MBOAT1: variants seen among roughly 807,000 people sequenced by gnomAD.
The protein encoded by MBOAT1 is membrane bound glycerophospholipid O-acyltransferase 1.
In MBOAT1, 67 loss-of-function variants were observed where a neutral mutation model predicts 64.4. The ratio of observed to expected loss-of-function variants is 1.04; its 90% CI spans 0.85 to 1.27. The LOEUF (loss-of-function observed/expected upper bound fraction) is 1.27, where lower values mean the gene tolerates loss of function less well. MBOAT1 is among the 50% of genes most tolerant of loss of function. MBOAT1 has a pLI of 0.00. For missense variants in MBOAT1, 563 were observed against 604.6 expected (o/e 0.93, Z 0.72); for synonymous variants, 229 against 218.9 (o/e 1.05, Z -0.41).
At chr6:20,196,465 C>A (rs6926099) in intron 1 of MBOAT1, among the ~76,000 whole-genome samples, 65 of 152,190 alleles carry the variant, frequency 4.3e-4, no homozygotes, top group African/African-American at 1.4e-3. Flanking sequence ...GAGGCAGAAT[C>A]TGGGAGGAAA....
Position 20,212,304 on chromosome 6 carries a change from G to T in MBOAT1, c.-70C>A. On this transcript the variant is annotated 5_prime_UTR_variant, in exon 1 of 13. Transcript: ENST00000324607. ...CCCCCTGCTCGGCGTCCTCCCGCCCGGGTGCTCTTGGGTGGTTGCCCCGAG... is the reference window on the plus strand; with the variant it reads ...CCCCCTGCTCGGCGTCCTCCCGCCCTGGTGCTCTTGGGTGGTTGCCCCGAG... The T allele has an allele frequency of 1.4e-6, 2 of 1,419,884 alleles. No individual in the cohort carries two copies. The highest frequency in any genetic ancestry group is 1.9e-6 in the Non-Finnish European group (2 of 1,035,100). 88.0% of individuals were successfully genotyped at this position (1,419,884 alleles called of 1,614,324 possible).
intron 1 of MBOAT1, among the ~76,000 whole-genome samples, chr6:20,157,120 C>CA: frequency 6.6e-6 from 1 of 151,490 alleles, no homozygotes; most frequent in Non-Finnish European, 1.5e-5. Context: ...CCCATCCACC[C>CA]AAAAAAATAA....
chr6:20,124,923 A>C (rs1760608302), intron 7 of MBOAT1, among the ~76,000 whole-genome samples: 1 of 152,212 alleles, frequency 6.6e-6, no homozygotes, highest in African/African-American at 2.4e-5. Context: ...CAGGGTGGCA[A>C]GTTTCCATCA....
intron 8 of MBOAT1, 64 bp from the exon 9 acceptor site, chr6:20,118,604 C>A: frequency 7.8e-7 from 1 of 1,286,320 alleles, no homozygotes; most frequent in Non-Finnish European, 1.1e-6. Context: ...TTTTAAAAGA[C>A]ACTAAATATC....
chr6:20,111,804 T>TCATATATATACATATATATACA (rs1760146057), intron 11 of MBOAT1, among the ~76,000 whole-genome samples: 3 of 51,002 alleles, frequency 5.9e-5, no homozygotes, highest in African/African-American at 2.0e-4. Flanking sequence ...TCCACTTTGT[T>TCATATATATACATATATATACA]CATATATATA....
At chr6:20,118,648 T>C in intron 8 of MBOAT1, 108 bp from the exon 9 acceptor site, 1 of 840,926 alleles carries the variant, frequency 1.2e-6, no homozygotes, top group South Asian at 1.7e-5. Flanking sequence ...TATGCAGTAG[T>C]GTCTTTGGAA....
In MBOAT1 at chr6:20,133,002, T is replaced by G. The variant is rs564794562; in HGVS notation, c.420-1803A>C. On this transcript the variant is annotated intron_variant, in intron 4 of 12. Transcript: ENST00000324607. ...CCTCTTGAAAATAATGAGGATACATTTTCAACTATAAATATATGTAAATAA... is the reference window on the plus strand; with the variant it reads ...CCTCTTGAAAATAATGAGGATACATGTTCAACTATAAATATATGTAAATAA... Among the ~76,000 whole-genome samples, 3 of 152,324 alleles carry G rather than the reference T, an allele frequency of 2.0e-5. No individual in the cohort carries two copies. The South Asian group carries it at 6.2e-4, about 32-fold the overall frequency.
intron 1 of MBOAT1, among the ~76,000 whole-genome samples, chr6:20,198,072 A>G (rs1218670726): frequency 6.6e-6 from 1 of 151,472 alleles, no homozygotes; most frequent in Non-Finnish European, 1.5e-5. Flanking sequence ...CTAAAAATAC[A>G]AAAAAATTAG....
intron 1 of MBOAT1, among the ~76,000 whole-genome samples, chr6:20,153,015 T>C (rs190022710): frequency 0.01 from 1,533 of 152,172 alleles, 36 homozygotes; most frequent in African/African-American, 0.034. Context: ...TTTGTATTTT[T>C]AGTAGAGACA....
At chr6:20,116,303 G>A (rs1224871414) in intron 9 of MBOAT1, among the ~76,000 whole-genome samples, 1 of 151,968 alleles carries the variant, frequency 6.6e-6, no homozygotes, top group Non-Finnish European at 1.5e-5. Context: ...CTGCACTCCA[G>A]CCTGGGCAAC....
At chr6:20,113,058 C>T in intron 10 of MBOAT1, 50 bp from the exon 11 acceptor site, 1 of 1,586,246 alleles carries the variant, frequency 6.3e-7, no homozygotes, top group African/African-American at 1.4e-5. Context: ...CCAGAAACTT[C>T]TAAGTACAGC....
At chr6:20,159,397 G>A (rs934393597) in intron 1 of MBOAT1, among the ~76,000 whole-genome samples, 2 of 152,132 alleles carry the variant, frequency 1.3e-5, no homozygotes, top group Non-Finnish European at 2.9e-5. Flanking sequence ...ATCAAGGGAT[G>A]AATGGATTTT....
chr6:20,149,469 T>C (rs932718609), intron 3 of MBOAT1, among the ~76,000 whole-genome samples: 8 of 152,178 alleles, frequency 5.3e-5, no homozygotes, highest in African/African-American at 1.9e-4. Flanking sequence ...TACTATGTAA[T>C]TGCTTCCAAA....
At chr6:20,104,617 C>T (rs1466613876) in intron 12 of MBOAT1, among the ~76,000 whole-genome samples, 2 of 152,184 alleles carry the variant, frequency 1.3e-5, no homozygotes, top group African/African-American at 4.8e-5. Context: ...CTTATACTTT[C>T]CCTAATGCTT....
In MBOAT1 at chr6:20,144,895, C is replaced by A. The variant is rs1034646625; in HGVS notation, c.324-580G>T. Among the ~76,000 whole-genome samples the A allele has an allele frequency of 1.9e-4, 29 of 152,142 alleles. 1 individual carries two copies. Among genetic ancestry groups the A allele is most frequent in the African/African-American group, 7.0e-4 (29 of 41,414 alleles). On this transcript the variant is annotated intron_variant, in intron 3 of 12. Transcript: ENST00000324607. ...AGTATGTCCAAGCTCAGCTTGGGAC[C>A]CTGCCCTTCCATGCCTCAGGTTTCA...
intron 1 of MBOAT1, among the ~76,000 whole-genome samples, chr6:20,195,605 CTGTGTGTGTGTG>C (rs10540923): frequency 1.3e-5 from 2 of 149,536 alleles, no homozygotes; most frequent in South Asian, 2.1e-4. Context: ...AATAAATTGC[CTGTGTGTGTGTG>C]TGTGTGTGTG....
intron 1 of MBOAT1, among the ~76,000 whole-genome samples, chr6:20,186,594 C>T (rs999142399): frequency 6.6e-5 from 10 of 152,340 alleles, no homozygotes; most frequent in Admixed American, 5.9e-4. Context: ...CCAACAAGGC[C>T]AGCCTGAAAT....
At chr6:20,113,994 A>G (rs903427232) in intron 10 of MBOAT1, among the ~76,000 whole-genome samples, 1 of 152,154 alleles carries the variant, frequency 6.6e-6, no homozygotes, top group African/African-American at 2.4e-5. Flanking sequence ...TGAACACAGG[A>G]CTGAGACCCC....
intron 1 of MBOAT1, among the ~76,000 whole-genome samples, chr6:20,158,484 T>C (rs1488922383): frequency 1.3e-5 from 2 of 152,166 alleles, no homozygotes; most frequent in African/African-American, 2.4e-5. Context: ...GAAGAAAACA[T>C]AGGCGAAAAC....
Sources: gnomAD v4.1 joint callset for allele counts (sites outside exome capture counted in the v4.1 genomes callset) on GRCh38, gnomAD v4.1.1 for gene constraint, MANE v1.5 for transcripts, NCBI Gene and HGNC (gene_info 2026-07-23, HGNC 2026-07-21) for gene names.